The following PSMA1 variants were observed in gnomAD, a reference collection of about 807,000 sequenced individuals.
PSMA1 encodes the protein proteasome subunit alpha type-1.
A neutral mutation model predicts 38.4 loss-of-function variants in PSMA1; 3 were observed. The observed-to-expected ratio is 0.08, with a 90% CI of 0.04 to 0.20. The LOEUF is 0.20. Among genes scored for constraint, PSMA1 ranks in the 10% least tolerant of loss-of-function variants. PSMA1 has a pLI of 1.00. For missense variants in PSMA1, 227 were observed against 325.3 expected, an observed-to-expected ratio of 0.70 and a Z score of 2.32; for synonymous variants, 101 against 107.1, an observed-to-expected ratio of 0.94 and a Z score of 0.35.
intron 2 of PSMA1, among the ~76,000 whole-genome samples, chr11:14,558,741 A>C (rs1229602316): frequency 6.6e-6 from 1 of 152,318 alleles, no homozygotes; most frequent in South Asian, 2.1e-4. Flanking sequence ...TGGTGTCTTA[A>C]AGGAGCCACT....
At chr11:14,628,148 A>G (rs1852940061) in intron 1 of PSMA1, among the ~76,000 whole-genome samples, 1 of 152,100 alleles carries the variant, frequency 6.6e-6, no homozygotes, top group East Asian at 1.9e-4. Context: ...ATGCCTGATG[A>G]TCTGAGATGG....
chr11:14,638,622 G>A (rs1249412395), intron 1 of PSMA1, among the ~76,000 whole-genome samples: 2 of 65,520 alleles, frequency 3.1e-5, no homozygotes, highest in Admixed American at 3.8e-4. Flanking sequence ...TTTTTGGTGC[G>A]CTCTGCTTGT....
intron 2 of PSMA1, among the ~76,000 whole-genome samples, chr11:14,571,942 T>A (rs1852147483): frequency 6.6e-6 from 1 of 152,160 alleles, no homozygotes; most frequent in South Asian, 2.1e-4. Context: ...GGTAAAGGGA[T>A]TAATTCAACA....
chr11:14,544,617 C>T (rs1394212512), intron 2 of PSMA1, among the ~76,000 whole-genome samples: 2 of 152,088 alleles, frequency 1.3e-5, no homozygotes, highest in Non-Finnish European at 2.9e-5. Flanking sequence ...TAAACCAAAA[C>T]TACAATGAAA....
At chr11:14,530,980 G>C (rs1851641793) in intron 2 of PSMA1, among the ~76,000 whole-genome samples, 1 of 150,978 alleles carries the variant, frequency 6.6e-6, no homozygotes, top group African/African-American at 2.4e-5. Flanking sequence ...AATTTACATA[G>C]TACCAAAAGT....
chr11:14,583,927 T>C (rs1212109659), intron 2 of PSMA1, among the ~76,000 whole-genome samples: 2 of 152,156 alleles, frequency 1.3e-5, no homozygotes, highest in Non-Finnish European at 2.9e-5. Context: ...CCACATGGCT[T>C]CAGGGCTCAT....
At chr11:14,609,656 T>C (rs1852685456) in intron 2 of PSMA1, among the ~76,000 whole-genome samples, 1 of 151,976 alleles carries the variant, frequency 6.6e-6, no homozygotes, top group Admixed American at 6.6e-5. Flanking sequence ...AAATAGCAAA[T>C]GCAAAAACAG....
chr11:14,624,670 G>C (rs181744766), intron 1 of PSMA1, among the ~76,000 whole-genome samples: 4 of 152,302 alleles, frequency 2.6e-5, no homozygotes, highest in Admixed American at 2.6e-4. Flanking sequence ...GTCACATCTT[G>C]GCAGGGGTAA....
At chr11:14,520,513 A>T, upstream of PSMA1, 1 of 1,425,526 alleles carries the variant, frequency 7.0e-7, no homozygotes. Flanking sequence ...GAGCCTCGGA[A>T]GATCTAGGAA....
intron 2 of PSMA1, 87 bp downstream of exon 2, chr11:14,518,910 C>A: frequency 1.9e-6 from 2 of 1,074,536 alleles, no homozygotes; most frequent in South Asian, 1.5e-5. Context: ...ATTCCATTTT[C>A]CCCAAGCCTA....
chr11:14,631,475 T>G (rs1853010416), intron 1 of PSMA1, among the ~76,000 whole-genome samples: 1 of 152,110 alleles, frequency 6.6e-6, no homozygotes, highest in Non-Finnish European at 1.5e-5. Flanking sequence ...GTTGAGCGGT[T>G]TTGAGTGAGA....
chr11:14,595,530 T>C (rs1293251734), intron 2 of PSMA1, among the ~76,000 whole-genome samples: 1 of 152,272 alleles, frequency 6.6e-6, no homozygotes, highest in East Asian at 1.9e-4. Flanking sequence ...TTCATGTGTC[T>C]GTTGGCTGCA....
intron 4 of PSMA1, among the ~76,000 whole-genome samples, chr11:14,516,787 G>A (rs999252941): frequency 3.3e-5 from 5 of 152,114 alleles, no homozygotes; most frequent in African/African-American, 7.2e-5. Flanking sequence ...TTAGCCAGGC[G>A]TGGTGGCGGG....
chr11:14,602,494 T>G (rs1442563643), intron 2 of PSMA1, among the ~76,000 whole-genome samples: 2 of 152,224 alleles, frequency 1.3e-5, no homozygotes, highest in Non-Finnish European at 2.9e-5. Context: ...TAATAGAAAC[T>G]GATTTCTATA....
upstream of PSMA1, among the ~76,000 whole-genome samples, chr11:14,521,163 T>C (rs773525239): frequency 2.4e-4 from 36 of 152,218 alleles, no homozygotes; most frequent in Non-Finnish European, 4.7e-4. Context: ...ATTTATATTC[T>C]TTGTAAAAAA....
intron 8 of PSMA1, among the ~76,000 whole-genome samples, chr11:14,508,382 C>T (rs555052083): frequency 3.3e-5 from 5 of 152,032 alleles, no homozygotes; most frequent in Non-Finnish European, 7.4e-5. Context: ...GCCAACCCTT[C>T]CACCTATGTA....
intron 2 of PSMA1, among the ~76,000 whole-genome samples, chr11:14,542,487 C>G (rs1851783462): frequency 6.6e-6 from 1 of 152,194 alleles, no homozygotes; most frequent in Admixed American, 6.5e-5. Flanking sequence ...GAAAATGTTT[C>G]CTTCCCCTAT....
chr11:14,639,860 A>G (rs907139051), intron 1 of PSMA1, among the ~76,000 whole-genome samples: 6 of 152,190 alleles, frequency 3.9e-5, no homozygotes, highest in African/African-American at 1.4e-4. Context: ...CCTCCAGAGC[A>G]TTACTCCTTA....
intron 1 of PSMA1, among the ~76,000 whole-genome samples, chr11:14,641,147 T>A (rs1002427030): frequency 1.3e-5 from 2 of 151,280 alleles, no homozygotes; most frequent in Admixed American, 1.3e-4. Flanking sequence ...CTGTACGTTC[T>A]GCACATGTAT....
Sources: allele counts gnomAD v4.1 joint callset (sites outside exome capture counted in the v4.1 genomes callset), GRCh38; gene constraint gnomAD v4.1.1; transcripts MANE v1.5; gene names NCBI Gene and HGNC (gene_info 2026-07-23, HGNC 2026-07-21).